Variants in FHIT observed in about 807,000 individuals in gnomAD.
The protein encoded by FHIT is bis(5'-adenosyl)-triphosphatase.
FHIT carries 19 observed loss-of-function variants against 17.9 expected under a neutral mutation model. That is an observed-to-expected ratio of 1.06 (90% confidence interval 0.74 to 1.56). The LOEUF is 1.56. FHIT is among the 40% of genes most tolerant of loss of function. The pLI, the probability that FHIT is intolerant of heterozygous loss-of-function variation, is 0.00. For missense variants in FHIT, 248 were observed against 189.2 expected, an observed-to-expected ratio of 1.31 and a Z score of -1.82; for synonymous variants, 81 against 69.7, an observed-to-expected ratio of 1.16 and a Z score of -0.81.
chr3:61,196,866 G>T (rs1328362302), intron 2 of FHIT, among the ~76,000 whole-genome samples: 1 of 152,184 alleles, frequency 6.6e-6, no homozygotes, highest in Non-Finnish European at 1.5e-5. Flanking sequence ...AAGTAGGGAA[G>T]AATATTTCAA....
chr3:59,889,745 C>A (rs1044760894), intron 8 of FHIT, among the ~76,000 whole-genome samples: 2 of 152,158 alleles, frequency 1.3e-5, no homozygotes, highest in Admixed American at 1.3e-4. Context: ...GTCTTTGGTG[C>A]TCATTAAGAA....
At chr3:60,804,478 G>A (rs1346169291) in intron 4 of FHIT, among the ~76,000 whole-genome samples, 9 of 152,116 alleles carry the variant, frequency 5.9e-5, no homozygotes, top group Middle Eastern at 3.2e-3. Flanking sequence ...TTAGTAATTG[G>A]CAAGTATTTT....
intron 4 of FHIT, among the ~76,000 whole-genome samples, chr3:60,789,854 T>C (rs560205675): frequency 2.0e-5 from 3 of 152,206 alleles, no homozygotes; most frequent in African/African-American, 7.2e-5. Context: ...TTTAAAACTA[T>C]ACAATTGTGA....
chr3:59,750,370 G>A (rs1382972796), intron 9 of FHIT: 1 of 224,676 alleles, frequency 4.5e-6, no homozygotes. Context: ...CAAGTCTGAG[G>A]TATTGTCACC....
chr3:60,685,931 T>A (rs1553698315), intron 4 of FHIT, among the ~76,000 whole-genome samples: 1 of 152,206 alleles, frequency 6.6e-6, no homozygotes, highest in African/African-American at 2.4e-5. Context: ...TATTTTTACA[T>A]AAGGATCTGA....
chr3:60,857,184 A>T (rs782460692), intron 3 of FHIT, among the ~76,000 whole-genome samples: 11 of 151,944 alleles, frequency 7.2e-5, no homozygotes, highest in Non-Finnish European at 1.2e-4. Context: ...GGGAGGGGGG[A>T]TTCTAATAGT....
intron 5 of FHIT, among the ~76,000 whole-genome samples, chr3:60,411,623 C>T (rs1212281700): frequency 6.6e-6 from 1 of 152,122 alleles, no homozygotes; most frequent in Non-Finnish European, 1.5e-5. Context: ...ATGCAAATGA[C>T]AGGGAGGATG....
chr3:59,947,640 G>C (rs1056338062), intron 7 of FHIT, among the ~76,000 whole-genome samples: 2 of 152,150 alleles, frequency 1.3e-5, no homozygotes, highest in African/African-American at 2.4e-5. Flanking sequence ...GGAGTATGCT[G>C]CAACCCTGGG....
At chr3:60,004,832 T>G (rs1276021057) in intron 7 of FHIT, among the ~76,000 whole-genome samples, 1 of 152,152 alleles carries the variant, frequency 6.6e-6, no homozygotes, top group Non-Finnish European at 1.5e-5. Flanking sequence ...AGGACTGAAG[T>G]AAGAATTATA....
At chr3:60,524,621 C>A (rs1277875669) in intron 5 of FHIT, among the ~76,000 whole-genome samples, 1 of 152,094 alleles carries the variant, frequency 6.6e-6, no homozygotes. Flanking sequence ...GTTTTGGAGG[C>A]CAGCGTGGCA....
chr3:60,421,726 T>C (rs897114700), intron 5 of FHIT, among the ~76,000 whole-genome samples: 1 of 152,106 alleles, frequency 6.6e-6, no homozygotes, highest in Non-Finnish European at 1.5e-5. Flanking sequence ...CCTATTAATA[T>C]CAATTTGCTT....
At chr3:60,118,912 T>G (rs1357717266) in intron 5 of FHIT, among the ~76,000 whole-genome samples, 4 of 149,814 alleles carry the variant, frequency 2.7e-5, no homozygotes, top group African/African-American at 9.8e-5. Flanking sequence ...TCCCAGCTAC[T>G]AGGGAGGCTG....
At chr3:61,213,652 A>G (rs1000432607) in intron 1 of FHIT, among the ~76,000 whole-genome samples, 1 of 152,218 alleles carries the variant, frequency 6.6e-6, no homozygotes, top group African/African-American at 2.4e-5. Context: ...TGCACCAAGC[A>G]GACCTAATAG....
chr3:61,094,432 G>T (rs2035577376), intron 2 of FHIT, among the ~76,000 whole-genome samples: 1 of 152,112 alleles, frequency 6.6e-6, no homozygotes, highest in South Asian at 2.1e-4. Context: ...AAGAATCTTA[G>T]AGCAATAAAA....
rs1041551408 is a variant in FHIT at position 60,698,336 on chromosome 3, G to A, written c.-18+123583C>T. On this transcript the variant is annotated intron_variant, in intron 4 of 9. Transcript: ENST00000492590. ...TTGGCTTCTAGAACATAAAAGAGGC[G>A]TTTCAGGAATATAAATCAGGCTTTT... 5.3e-5 allele frequency among the ~76,000 whole-genome samples: 8 copies of A among 152,114 alleles called. 1 individual carries two copies. Among genetic ancestry groups the A allele is most frequent in the Admixed American group, 1.3e-4 (2 of 15,268 alleles).
chr3:60,943,424 C>T (rs797034575), intron 3 of FHIT, among the ~76,000 whole-genome samples: 25 of 152,198 alleles, frequency 1.6e-4, no homozygotes, highest in African/African-American at 5.8e-4. Flanking sequence ...GTGTCACCAG[C>T]TTTCATTTGA....
chr3:60,407,292 G>A (rs544067420), intron 5 of FHIT, among the ~76,000 whole-genome samples: 34 of 151,718 alleles, frequency 2.2e-4, no homozygotes, highest in Middle Eastern at 3.4e-3. Context: ...AAAAAATGTC[G>A]GAAAAGCCTA....
intron 4 of FHIT, among the ~76,000 whole-genome samples, chr3:60,576,095 G>C (rs528106519): frequency 6.6e-6 from 1 of 152,178 alleles, no homozygotes; most frequent in East Asian, 1.9e-4. Context: ...GGAAGTCCAG[G>C]AGACGCAAGA....
chr3:61,239,060 A>G (rs1179679663), intron 1 of FHIT, among the ~76,000 whole-genome samples: 1 of 152,156 alleles, frequency 6.6e-6, no homozygotes, highest in Non-Finnish European at 1.5e-5. Context: ...AGTAGGCATT[A>G]GGGAAGCATC....
Sources: allele counts gnomAD v4.1 joint callset (sites outside exome capture counted in the v4.1 genomes callset), GRCh38; gene constraint gnomAD v4.1.1; transcripts MANE v1.5; gene names NCBI Gene and HGNC (gene_info 2026-07-23, HGNC 2026-07-21).